Variants in ANKFN1 observed in about 807,000 individuals in gnomAD.
ANKFN1 encodes the protein ankyrin repeat and fibronectin type-III domain-containing protein 1.
ANKFN1 carries 74 observed loss-of-function variants against 108.7 expected under a neutral mutation model. The observed-to-expected ratio is 0.68, with a 90% CI of 0.56 to 0.83. ANKFN1 has a LOEUF of 0.83. Among genes scored for constraint, ANKFN1 ranks in the 40% least tolerant of loss-of-function variants. The pLI is 0.00. For missense variants in ANKFN1, 1,505 were observed against 1,382.3 expected, an observed-to-expected ratio of 1.09 and a Z score of -1.41; for synonymous variants, 547 against 516.2, an observed-to-expected ratio of 1.06 and a Z score of -0.81.
chr17:56,206,444 T>A (rs1476343556), intron 1 of ANKFN1: 1 of 152,164 alleles, frequency 6.6e-6, no homozygotes, highest in Non-Finnish European at 1.5e-5. Context: ...ATGGAGTTTG[T>A]TGCCTGAATC....
At chr17:56,206,162 T>C (rs1396632238) in intron 1 of ANKFN1, among the ~76,000 whole-genome samples, 1 of 152,196 alleles carries the variant, frequency 6.6e-6, no homozygotes, top group Non-Finnish European at 1.5e-5. Flanking sequence ...CACTTACCAA[T>C]AGCCCTAGTA....
At chr17:56,050,105 C>A (rs940985812) in intron 4 of ANKFN1, among the ~76,000 whole-genome samples, 1 of 151,822 alleles carries the variant, frequency 6.6e-6, no homozygotes, top group African/African-American at 2.4e-5. Flanking sequence ...GAGATGGTAT[C>A]TCATAGTGGT....
chr17:56,305,144 G>A (rs889588851), intron 3 of ANKFN1, among the ~76,000 whole-genome samples: 1 of 152,128 alleles, frequency 6.6e-6, no homozygotes, highest in Non-Finnish European at 1.5e-5. Flanking sequence ...GAAGTGCCAA[G>A]CAAAAGAGGG....
At chr17:56,113,823 A>G (rs762108522) in intron 4 of ANKFN1, among the ~76,000 whole-genome samples, 14 of 147,764 alleles carry the variant, frequency 9.5e-5, no homozygotes, top group Non-Finnish European at 1.6e-4. Context: ...CTAAGTGGCA[A>G]TTGAGAAGGT....
intron 3 of ANKFN1, among the ~76,000 whole-genome samples, chr17:56,306,399 G>A (rs1269833654): frequency 6.6e-6 from 1 of 152,140 alleles, no homozygotes; most frequent in Non-Finnish European, 1.5e-5. Flanking sequence ...TAAGATTTAT[G>A]TGCAAAAATC....
intron 3 of ANKFN1, among the ~76,000 whole-genome samples, chr17:56,250,520 T>C (rs541140326): frequency 6.6e-6 from 1 of 152,372 alleles, no homozygotes; most frequent in South Asian, 2.1e-4. Flanking sequence ...ATATTAATAT[T>C]GAAAATAGTA....
chr17:56,397,483 G>A (rs915754962), intron 8 of ANKFN1, among the ~76,000 whole-genome samples: 11 of 152,300 alleles, frequency 7.2e-5, no homozygotes, highest in African/African-American at 9.6e-5. Context: ...TGTGCATTTG[G>A]TTTAGGAAAG....
chr17:56,445,416 C>T (rs1267515013), intron 10 of ANKFN1, among the ~76,000 whole-genome samples: 1 of 152,232 alleles, frequency 6.6e-6, no homozygotes, highest in Non-Finnish European at 1.5e-5. Flanking sequence ...GTTAGTTGTT[C>T]AGGACTGGGA....
intron 4 of ANKFN1, 65 bp downstream of exon 4, chr17:56,326,420 T>A: frequency 6.5e-7 from 1 of 1,548,650 alleles, no homozygotes. Flanking sequence ...ACTGATTATT[T>A]TTAAATGTGT....
At chr17:56,088,986 A>G (rs1017895288) in intron 4 of ANKFN1, among the ~76,000 whole-genome samples, 1 of 151,260 alleles carries the variant, frequency 6.6e-6, no homozygotes, top group Non-Finnish European at 1.5e-5. Flanking sequence ...GGCTCTCCTT[A>G]GAATGTAGGA....
In ANKFN1 at chr17:56,381,998, G is replaced by T. The variant is rs9901713; in HGVS notation, c.910+7284G>T. On this transcript the variant is annotated intron_variant, in intron 8 of 20. Coordinates refer to ENST00000682825, the MANE Select transcript of ANKFN1 (RefSeq NM_001370326.1). The stretch of plus-strand genomic sequence containing the variant: ...ACACATAATTGTCAGATTCACCAAA[G>T]TTGAAATGAAGGAAAAAATGTTAAG... Among the ~76,000 whole-genome samples, 524 of 152,186 alleles carry T rather than the reference G, an allele frequency of 3.4e-3. 2 individuals carry two copies. The highest frequency in any genetic ancestry group is 0.014 in the Middle Eastern group (4 of 294).
At chr17:56,479,093 T>C (rs2050609890) in intron 16 of ANKFN1, among the ~76,000 whole-genome samples, 1 of 152,194 alleles carries the variant, frequency 6.6e-6, no homozygotes, top group African/African-American at 2.4e-5. Context: ...AAAGGTTACA[T>C]TACACTCATC....
At chr17:56,081,520 T>C (rs908043354) in intron 4 of ANKFN1, among the ~76,000 whole-genome samples, 28 of 151,960 alleles carry the variant, frequency 1.8e-4, no homozygotes, top group Admixed American at 1.3e-3. Context: ...GCCCAGGTAA[T>C]TTTTGTATTT....
chr17:56,051,909 G>T (rs1176424085), intron 4 of ANKFN1, among the ~76,000 whole-genome samples: 1 of 150,250 alleles, frequency 6.7e-6, no homozygotes, highest in Non-Finnish European at 1.5e-5. Context: ...ACTGCTCAAA[G>T]AAATAAAAGA....
At chr17:56,077,822 T>C (rs1905198711) in intron 4 of ANKFN1, among the ~76,000 whole-genome samples, 1 of 152,128 alleles carries the variant, frequency 6.6e-6, no homozygotes, top group Non-Finnish European at 1.5e-5. Context: ...TGATATCACC[T>C]CCAGAACCAA....
At chr17:56,201,876 A>G (rs1914091658) in intron 1 of ANKFN1, among the ~76,000 whole-genome samples, 1 of 152,214 alleles carries the variant, frequency 6.6e-6, no homozygotes, top group South Asian at 2.1e-4. Flanking sequence ...CAAATTAGCA[A>G]TAGCAGAAAA....
chr17:56,407,956 A>G (rs1815083495), intron 8 of ANKFN1, among the ~76,000 whole-genome samples: 2 of 35,272 alleles, frequency 5.7e-5, no homozygotes, highest in African/African-American at 1.7e-4. Flanking sequence ...TTTTTTTTTG[A>G]CAGAGTCTTG....
At chr17:56,267,931 A>AAT (rs2043696012) in intron 3 of ANKFN1, among the ~76,000 whole-genome samples, 1 of 152,150 alleles carries the variant, frequency 6.6e-6, no homozygotes, top group Non-Finnish European at 1.5e-5. Flanking sequence ...TTCTGTGAAA[A>AAT]ATATTGGCAT....
chr17:56,511,560 C>T lies in ANKFN1; in HGVS notation c.*291C>T. On this transcript the variant is annotated 3_prime_UTR_variant, in exon 21 of 21. Coordinates refer to ENST00000682825, the MANE Select transcript of ANKFN1 (RefSeq NM_001370326.1). ...GCCACCCTGTTGGTGGCACCTATGA[C>T]TGAAGCTGGCCATCCCAAAGAGAGA... is the stretch of plus-strand genomic sequence containing the variant. The T allele has an allele frequency of 6.0e-6, 2 of 331,780 alleles. No homozygotes were observed. The highest frequency in any genetic ancestry group is 1.1e-5 in the Non-Finnish European group (2 of 181,956). 20.6% of individuals were successfully genotyped at this position (331,780 alleles called of 1,614,324 possible). A position where few individuals can be genotyped will look rare whatever the true frequency, so the allele number is the denominator to read the frequency against.
Sources: gnomAD v4.1 joint callset for allele counts (sites outside exome capture counted in the v4.1 genomes callset) on GRCh38, gnomAD v4.1.1 for gene constraint, MANE v1.5 for transcripts, NCBI Gene and HGNC (gene_info 2026-07-23, HGNC 2026-07-21) for gene names.